The following CPEB2 variants were observed in gnomAD, a reference collection of about 807,000 sequenced individuals.
The protein encoded by CPEB2 is cytoplasmic polyadenylation element-binding protein 2.
In CPEB2, 56 loss-of-function variants were observed where a neutral mutation model predicts 93.6. The observed-to-expected ratio is 0.60, with a 90% CI of 0.48 to 0.75. The LOEUF is 0.75. Among genes scored for constraint, CPEB2 ranks in the 30% least tolerant of loss-of-function variants. CPEB2 has a pLI of 0.00. For synonymous variants in CPEB2, 764 were observed against 586.3 expected (o/e 1.30, Z -4.38); for missense variants, 1,579 against 1,395.1 (o/e 1.13, Z -2.10).
chr4:15,027,420 G>A (rs772454125), intron 4 of CPEB2, among the ~76,000 whole-genome samples: 5 of 152,138 alleles, frequency 3.3e-5, no homozygotes, highest in Admixed American at 6.5e-5. Context: ...TCTTTTCTGC[G>A]TTTGTATGAT....
intron 10 of CPEB2, 148 bp downstream of exon 10, chr4:15,059,449 A>C: frequency 2.2e-6 from 1 of 462,684 alleles, no homozygotes; most frequent in East Asian, 3.3e-5. Flanking sequence ...CTAACTACAG[A>C]ATTTTGAAAC....
Position 15,007,406 on chromosome 4 carries a change from C to G in CPEB2, c.1764C>G (p.Thr588=). The G allele has an allele frequency of 6.2e-7, 1 of 1,613,910 alleles. No homozygotes were observed. The highest frequency in any genetic ancestry group is 8.5e-7 in the Non-Finnish European group (1 of 1,179,894). The change falls in exon 2 of 12, where the codon ACC becomes ACG. Residue 588 remains threonine, a synonymous_variant. Transcript: ENST00000538197. The part of the protein sequence containing the change: ...GAMHGRDHRR[T]GNMGIPGTMN... Reference sequence around the variant, plus strand: ...TGCATGGCAGAGATCATCGTAGAACCGGAAACATGGGAATCCCAGGAACTA... The same window carrying G: ...TGCATGGCAGAGATCATCGTAGAACGGGAAACATGGGAATCCCAGGAACTA...
chr4:15,058,482 T>C lies in CPEB2; in HGVS notation c.2523T>C (p.Ile841=), dbSNP rs1192806898. ...TTCAGGCACTCATTGATGCTTGTAT[T>C]GAAGAAGATGGAAAACTCTATCTGT... ...SSVQALIDAC[I]EEDGKLYLCV... The change falls in exon 9 of 12, where the codon ATT becomes ATC. Residue 841 remains isoleucine, a synonymous_variant. Coordinates refer to ENST00000538197, the MANE Select transcript of CPEB2 (RefSeq NM_001177382.2). 17 of 1,613,096 alleles carry C rather than the reference T, an allele frequency of 1.1e-5. No individual in the cohort carries two copies. The highest frequency in any genetic ancestry group is 1.6e-4 in the Middle Eastern group (1 of 6,080).
Position 15,003,356 on chromosome 4 carries a change from A to C in CPEB2, c.683A>C (p.Gln228Pro), listed in dbSNP as rs1722256419. The C allele has an allele frequency of 7.2e-7, 1 of 1,388,118 alleles. No individual in the cohort carries two copies. Among genetic ancestry groups the C allele is most frequent in the Non-Finnish European group, 9.2e-7 (1 of 1,084,070 alleles). 86.0% of individuals were successfully genotyped at this position (1,388,118 alleles called of 1,614,324 possible). A position where few individuals can be genotyped will look rare whatever the true frequency, so the allele number is the denominator to read the frequency against. The change falls in exon 1 of 12, where the codon CAG becomes CCG. Residue 228 changes from glutamine (Q) to proline (P), a missense_variant. By Grantham distance (76) the Gln-to-Pro change is moderately conservative. Coordinates refer to ENST00000538197, the MANE Select transcript of CPEB2 (RefSeq NM_001177382.2). ...LLQPAQLAQR[Q>P]QQQPPQQFSL... Reference sequence around the variant, plus strand: ...CAGCCGGCGCAGCTCGCTCAGCGCCAGCAGCAACAGCCGCCGCAGCAGTTC... The same window carrying C: ...CAGCCGGCGCAGCTCGCTCAGCGCCCGCAGCAACAGCCGCCGCAGCAGTTC...
rs888978989 is a variant in CPEB2, at chr4:15,003,597, C to T, written c.924C>T (p.Asn308=). ...NAGLASSTPV[N]PAPGSMESPN... is the part of the protein sequence containing the mutation. ...GCTTGGCCTCCTCGACGCCGGTGAA[C>T]CCCGCGCCGGGCTCCATGGAGTCCC... The change falls in exon 1 of 12, where the codon AAC becomes AAT. Residue 308 remains asparagine, a synonymous_variant. Coordinates refer to ENST00000538197, the MANE Select transcript of CPEB2 (RefSeq NM_001177382.2). 2 of 1,476,854 alleles carry T rather than the reference C, an allele frequency of 1.4e-6. No individual in the cohort carries two copies. Among genetic ancestry groups the T allele is most frequent in the African/African-American group, 1.5e-5 (1 of 68,452 alleles). The allele number at this position is 1,476,854 out of a possible 1,614,324, so 91.5% of individuals were successfully genotyped here.
chr4:15,012,409 A>G (rs1471308425), intron 3 of CPEB2, among the ~76,000 whole-genome samples: 2 of 152,222 alleles, frequency 1.3e-5, no homozygotes, highest in Non-Finnish European at 1.5e-5. Flanking sequence ...TAAAGAAAAT[A>G]AAAGAAATGT....
intron 6 of CPEB2, among the ~76,000 whole-genome samples, chr4:15,050,311 G>A (rs1357339655): frequency 2.0e-5 from 3 of 152,136 alleles, no homozygotes; most frequent in East Asian, 1.9e-4. Context: ...ATGATCTGAG[G>A]TGGAACATTT....
intron 4 of CPEB2, among the ~76,000 whole-genome samples, chr4:15,031,737 G>A (rs1018282860): frequency 3.9e-5 from 6 of 152,158 alleles, no homozygotes; most frequent in African/African-American, 1.4e-4. Flanking sequence ...CAGGAAACAT[G>A]TTTGGGTACC....
intron 8 of CPEB2, among the ~76,000 whole-genome samples, 163 bp downstream of exon 8, chr4:15,054,380 G>A (rs1276909006): frequency 6.6e-6 from 1 of 152,138 alleles, no homozygotes; most frequent in Non-Finnish European, 1.5e-5. Context: ...TCTGTCTAAA[G>A]CATCATTTCA....
Position 15,003,493 on chromosome 4 carries a change from C to T in CPEB2, c.820C>T (p.Arg274Cys). 2 of 1,402,262 alleles carry T rather than the reference C, an allele frequency of 1.4e-6. No individual in the cohort carries two copies. Among genetic ancestry groups the T allele is most frequent in the Admixed American group, 3.1e-5 (1 of 32,330 alleles). 86.9% of individuals were successfully genotyped at this position (1,402,262 alleles called of 1,614,324 possible). A position where few individuals can be genotyped will look rare whatever the true frequency, so the allele number is the denominator to read the frequency against. ...LPPSPPAAPR[R>C]RHGGAGSPRK... ...TCCCTCGCCGCCTGCAGCCCCGCGGCGCCGCCACGGAGGCGCGGGCAGCCC... is the reference window on the plus strand; with the variant it reads ...TCCCTCGCCGCCTGCAGCCCCGCGGTGCCGCCACGGAGGCGCGGGCAGCCC... The change falls in exon 1 of 12, where the codon CGC becomes TGC. Residue 274 changes from arginine (R) to cysteine (C), a missense_variant. Physicochemically the swap from Arg to Cys is radical, Grantham distance 180. Around this residue, in one of 2 missense-constraint regions of CPEB2, gnomAD observed 1,411 missense variants for 1,056.0 expected, o/e 1.34. Transcript: ENST00000538197.
intron 10 of CPEB2, among the ~76,000 whole-genome samples, chr4:15,060,667 A>G (rs1051785478): frequency 4.6e-5 from 7 of 152,158 alleles, no homozygotes; most frequent in African/African-American, 9.7e-5. Context: ...AGTTTATGGC[A>G]CCATTCAGAG....
In CPEB2 at chr4:15,003,380, T is replaced by G; in HGVS notation, c.707T>G (p.Phe236Cys). Residue 236 changes from phenylalanine to cysteine, a missense_variant, in exon 1 of 12, where the codon TTC becomes TGC. This residue lies in a region of CPEB2 where 1,411 missense variants were observed against 1,056.0 expected (regional missense o/e 1.34). Transcript: ENST00000538197. Reference sequence around the variant, plus strand: ...CAGCAGCAACAGCCGCCGCAGCAGTTCAGCCTCCTGCATCAGCAGCACCTC... The same window carrying G: ...CAGCAGCAACAGCCGCCGCAGCAGTGCAGCCTCCTGCATCAGCAGCACCTC... ...QRQQQQPPQQ[F>C]SLLHQQHLSP... is the part of the protein sequence containing the mutation. 1 of 1,380,888 alleles carries G rather than the reference T, an allele frequency of 7.2e-7. No homozygotes were observed. Among genetic ancestry groups the G allele is most frequent in the South Asian group, 1.7e-5 (1 of 57,932 alleles). The allele number at this position is 1,380,888 out of a possible 1,614,324, so 85.5% of individuals were successfully genotyped here.
chr4:15,037,596 C>T (rs961233341), intron 5 of CPEB2, among the ~76,000 whole-genome samples: 1 of 152,060 alleles, frequency 6.6e-6, no homozygotes, highest in Non-Finnish European at 1.5e-5. Context: ...CTTAATAAGA[C>T]GATTTGGAAA....
rs1360296392 is a variant in CPEB2, at chr4:15,066,961, C to T, written c.*581C>T. On this transcript the variant is annotated 3_prime_UTR_variant, in exon 12 of 12. Transcript: ENST00000538197. ...AGCTATTTTTAAACATTTTTAATCA[C>T]AAGCTGTATTAGCTTTGCTGCTATA... 6.5e-6 allele frequency: 1 copy of T among 153,674 alleles called. No individual in the cohort carries two copies. The highest frequency in any genetic ancestry group is 1.5e-5 in the Non-Finnish European group (1 of 68,896). The allele number at this position is 153,674 out of a possible 1,614,324, so 9.5% of individuals were successfully genotyped here.
intron 5 of CPEB2, among the ~76,000 whole-genome samples, chr4:15,034,983 G>C (rs1481491573): frequency 6.6e-6 from 1 of 152,112 alleles, no homozygotes; most frequent in African/African-American, 2.4e-5. Flanking sequence ...AGTGATATTA[G>C]TGCTCCTGTA....
At chr4:15,060,389 G>A (rs1200665680) in intron 10 of CPEB2, among the ~76,000 whole-genome samples, 2 of 152,228 alleles carry the variant, frequency 1.3e-5, no homozygotes, top group South Asian at 2.1e-4. Flanking sequence ...AGAGAGGGGG[G>A]CCAGGGTGAG....
chr4:15,052,137 A>G (rs964662574), intron 6 of CPEB2, among the ~76,000 whole-genome samples: 3 of 150,804 alleles, frequency 2.0e-5, no homozygotes, highest in Non-Finnish European at 3.0e-5. Flanking sequence ...CTTGCTTATA[A>G]CAAGTTCTTG....
chr4:15,018,969 T>TATATATAC (rs1479960595), intron 4 of CPEB2, among the ~76,000 whole-genome samples: 2,239 of 138,620 alleles, frequency 0.016, 29 homozygotes, highest in Non-Finnish European at 0.025. Flanking sequence ...TATATATATA[T>TATATATAC]ACACACGCAC....
intron 3 of CPEB2, among the ~76,000 whole-genome samples, chr4:15,011,771 G>A (rs1490384611): frequency 6.6e-6 from 1 of 152,186 alleles, no homozygotes; most frequent in Non-Finnish European, 1.5e-5. Flanking sequence ...TCAGCTCACT[G>A]TAAACAAAGT....
Sources: allele counts gnomAD v4.1 joint callset (sites outside exome capture counted in the v4.1 genomes callset), GRCh38; gene constraint gnomAD v4.1.1; regional missense constraint gnomAD v4.1.1; transcripts MANE v1.5; gene names NCBI Gene and HGNC (gene_info 2026-07-23, HGNC 2026-07-21).